Variants in SPOCK1 observed in about 807,000 individuals in gnomAD.
The protein encoded by SPOCK1 is SPARC (osteonectin), cwcv and kazal like domains proteoglycan 1.
Under a neutral mutation model 55.3 loss-of-function variants are expected in SPOCK1, and 23 were observed. That is an observed-to-expected ratio of 0.42 (90% CI 0.30 to 0.59). SPOCK1 has a LOEUF of 0.59. Among genes scored for constraint, SPOCK1 ranks in the 20% least tolerant of loss-of-function variants. SPOCK1 has a pLI of 0.22. For missense variants in SPOCK1, 499 were observed against 552.5 expected, an observed-to-expected ratio of 0.90 and a Z score of 0.97; for synonymous variants, 226 against 221.0, an observed-to-expected ratio of 1.02 and a Z score of -0.20.
chr5:137,494,364 CCT>C (rs1475526827), intron 2 of SPOCK1, among the ~76,000 whole-genome samples: 1 of 152,118 alleles, frequency 6.6e-6, no homozygotes, highest in Non-Finnish European at 1.5e-5. Context: ...CCACTCAGCC[CCT>C]GATTGGCTGT....
At chr5:137,187,907 T>C (rs532224855) in intron 3 of SPOCK1, among the ~76,000 whole-genome samples, 4 of 152,228 alleles carry the variant, frequency 2.6e-5, no homozygotes, top group Non-Finnish European at 5.9e-5. Flanking sequence ...CATTATGAGA[T>C]AGCCAAGTAA....
intron 2 of SPOCK1, among the ~76,000 whole-genome samples, chr5:137,449,647 C>T (rs546534796): frequency 2.6e-4 from 40 of 152,064 alleles, no homozygotes; most frequent in Admixed American, 1.2e-3. Flanking sequence ...CCTGTACTTA[C>T]GGAGGCCGAA....
chr5:137,376,984 T>G (rs1337505292), intron 2 of SPOCK1, among the ~76,000 whole-genome samples: 1 of 152,204 alleles, frequency 6.6e-6, no homozygotes, highest in Non-Finnish European at 1.5e-5. Context: ...TCCTAACTCA[T>G]GAAGGAAAGA....
chr5:137,039,920 C>A (rs1335544441), intron 6 of SPOCK1, among the ~76,000 whole-genome samples: 1 of 152,224 alleles, frequency 6.6e-6, no homozygotes, highest in Admixed American at 6.5e-5. Context: ...GACCAAATAT[C>A]CCTGCAGGCA....
chr5:136,999,454 A>C (rs1751107407), intron 6 of SPOCK1, among the ~76,000 whole-genome samples: 1 of 152,116 alleles, frequency 6.6e-6, no homozygotes, highest in African/African-American at 2.4e-5. Flanking sequence ...CTGGTGAGGA[A>C]GTTTCAAAAC....
At chr5:137,116,795 C>T (rs1015083883) in intron 4 of SPOCK1, among the ~76,000 whole-genome samples, 5 of 152,150 alleles carry the variant, frequency 3.3e-5, no homozygotes, top group African/African-American at 1.2e-4. Context: ...CCACGACCAA[C>T]ATCAATTTTT....
At chr5:137,302,603 TAAATAAATA>T (rs1757622400) in intron 2 of SPOCK1, among the ~76,000 whole-genome samples, 1 of 150,384 alleles carries the variant, frequency 6.6e-6, no homozygotes, top group African/African-American at 2.4e-5. Flanking sequence ...AATAAATAAA[TAAATAAATA>T]AATAAATAAA....
chr5:137,097,627 C>T (rs1580748928), intron 5 of SPOCK1, among the ~76,000 whole-genome samples: 1 of 152,192 alleles, frequency 6.6e-6, no homozygotes, highest in Non-Finnish European at 1.5e-5. Flanking sequence ...TTCCCCCTTG[C>T]AATGCTGGGC....
In SPOCK1 at chr5:137,245,917, C is replaced by T. The variant is rs553665735; in HGVS notation, c.232+21093G>A. ...TTGAGAAGTCCAGCAAGAAAGATAT[C>T]TACCTAATGTTTAAACTAATGTTGT... On this transcript the variant is annotated intron_variant, in intron 3 of 10. Coordinates refer to ENST00000394945, the MANE Select transcript of SPOCK1 (RefSeq NM_004598.4). Among the ~76,000 whole-genome samples the T allele has an allele frequency of 2.6e-5, 4 of 152,282 alleles. No homozygotes were observed. The South Asian group carries it at 6.2e-4, about 24-fold the overall frequency.
chr5:137,062,047 C>G (rs996063267), intron 6 of SPOCK1, among the ~76,000 whole-genome samples: 2 of 152,130 alleles, frequency 1.3e-5, no homozygotes, highest in Admixed American at 6.6e-5. Flanking sequence ...CTCCAGGGTT[C>G]TCTTCTGGTG....
intron 2 of SPOCK1, among the ~76,000 whole-genome samples, chr5:137,493,548 G>A (rs1004629490): frequency 4.6e-5 from 7 of 152,242 alleles, no homozygotes; most frequent in Non-Finnish European, 7.3e-5. Context: ...TAAGGACAGA[G>A]AAGACAAGAA....
chr5:137,444,446 C>T (rs894613401), intron 2 of SPOCK1, among the ~76,000 whole-genome samples: 1 of 152,158 alleles, frequency 6.6e-6, no homozygotes, highest in African/African-American at 2.4e-5. Context: ...AGCTTCCAAC[C>T]AATGATCCCC....
At chr5:137,102,083 C>T (rs1160840) in intron 5 of SPOCK1, among the ~76,000 whole-genome samples, 87,195 of 151,972 alleles carry the variant, frequency 0.57, 26,705 homozygotes, top group East Asian at 0.77. Context: ...TAAAATGTGA[C>T]TGGGTGGTAT....
intron 2 of SPOCK1, among the ~76,000 whole-genome samples, chr5:137,287,476 G>GA (rs1388055222): frequency 6.6e-6 from 1 of 152,108 alleles, no homozygotes; most frequent in African/African-American, 2.4e-5. Flanking sequence ...TACCCAACTG[G>GA]AAAAAATATA....
chr5:137,141,999 A>G (rs927412375), intron 3 of SPOCK1, among the ~76,000 whole-genome samples: 2 of 152,188 alleles, frequency 1.3e-5, no homozygotes, highest in Non-Finnish European at 2.9e-5. Flanking sequence ...GGCACAGAAG[A>G]GGCCTCGGGG....
In SPOCK1 at chr5:137,423,939, C is replaced by A. The variant is rs1436716509; in HGVS notation, c.186+74434G>T. 8.5e-5 allele frequency among the ~76,000 whole-genome samples: 13 copies of A among 152,206 alleles called. No individual in the cohort carries two copies. In the East Asian group the frequency reaches 1.2e-3, roughly 14 times the overall value. ...CATCTTCATGTTTTTTTCCATATAA[C>A]CCATTTCAAGTTTATTTTTGTATAT... is the stretch of plus-strand genomic sequence containing the variant. On this transcript the variant is annotated intron_variant, in intron 2 of 10. Coordinates refer to ENST00000394945, the MANE Select transcript of SPOCK1 (RefSeq NM_004598.4).
chr5:137,118,997 G>T (rs1188511817), intron 4 of SPOCK1, among the ~76,000 whole-genome samples: 1 of 152,106 alleles, frequency 6.6e-6, no homozygotes, highest in East Asian at 1.9e-4. Flanking sequence ...CTACTCTGAG[G>T]GTAAATGCTA....
intron 6 of SPOCK1, among the ~76,000 whole-genome samples, chr5:137,003,825 G>A (rs996610192): frequency 6.6e-6 from 1 of 152,196 alleles, no homozygotes; most frequent in African/African-American, 2.4e-5. Flanking sequence ...GACCAAGCCT[G>A]GGATTTGAGA....
intron 2 of SPOCK1, among the ~76,000 whole-genome samples, chr5:137,288,520 G>C (rs1331562189): frequency 1.3e-5 from 2 of 152,140 alleles, no homozygotes; most frequent in African/African-American, 4.8e-5. Context: ...TTGGCCAGTG[G>C]GGTATAAAGC....
Sources: allele counts gnomAD v4.1 joint callset (sites outside exome capture counted in the v4.1 genomes callset), GRCh38; gene constraint gnomAD v4.1.1; transcripts MANE v1.5; gene names NCBI Gene and HGNC (gene_info 2026-07-23, HGNC 2026-07-21).